Variants in JPH4 observed in about 807,000 individuals in gnomAD.
JPH4 encodes the protein junctophilin 4.
In JPH4, 18 loss-of-function variants were observed where a neutral mutation model predicts 57.6. The ratio of observed to expected loss-of-function variants is 0.31; its 90% CI spans 0.22 to 0.46. JPH4 has a LOEUF of 0.46. Among genes scored for constraint, JPH4 ranks in the 20% least tolerant of loss-of-function variants. JPH4 has a pLI of 1.00. For synonymous variants in JPH4, 425 were observed against 406.6 expected (o/e 1.05, Z -0.54); for missense variants, 727 against 911.1 (o/e 0.80, Z 2.60).
In JPH4 at chr14:23,571,329, G is replaced by A. The variant is rs368220328; in HGVS notation, c.1402C>T (p.Arg468Cys). Reference sequence around the variant, plus strand: ...CAGGCAGGGGGTCGCCAGGGTTGGCGGGAGGAGGCAGGACTGCTGGGCAGT... The same window carrying A: ...CAGGCAGGGGGTCGCCAGGGTTGGCAGGAGGAGGCAGGACTGCTGGGCAGT... ...PELPSSPASSRQPWRPPACRS... is the reference protein window; with the variant it reads ...PELPSSPASSCQPWRPPACRS... The change falls in exon 5 of 6, where the codon CGC becomes TGC. Residue 468 changes from arginine to cysteine, a missense_variant. This residue lies in a region of JPH4 where 293 missense variants were observed against 279.8 expected (regional missense o/e 1.05). Transcript: ENST00000356300. This position sits in a 1 kb window ranked among gnomAD's most constrained non-coding sequence, Gnocchi z 4.6. 2.9e-5 allele frequency: 47 copies of A among 1,596,066 alleles called. No homozygotes were observed. The highest frequency in any genetic ancestry group is 3.4e-5 in the Non-Finnish European group (40 of 1,173,512).
In JPH4 at chr14:23,571,595, A is replaced by AC. The variant is rs908624857; in HGVS notation, c.1271-136dup. 3 of 1,166,686 alleles carry AC rather than the reference A, an allele frequency of 2.6e-6. No homozygotes were observed. The highest frequency in any genetic ancestry group is 3.1e-5 in the African/African-American group (2 of 65,010). The allele number at this position is 1,166,686 out of a possible 1,614,324, so 72.3% of individuals were successfully genotyped here. ...ATAGCCTCTCACCGCCAGACCCCAA[A>AC]CCCCCCATTATCCTACTGCATACAT... On this transcript the variant is annotated intron_variant, in intron 4 of 5. Transcript: ENST00000356300. This position sits in a 1 kb window ranked among gnomAD's most constrained non-coding sequence, Gnocchi z 4.6.
Position 23,569,448 on chromosome 14 carries a change from G to T in JPH4, c.*186C>A. 1 of 609,360 alleles carries T rather than the reference G, an allele frequency of 1.6e-6. No homozygotes were observed. The highest frequency in any genetic ancestry group is 2.0e-5 in the South Asian group (1 of 50,574). 37.7% of individuals were successfully genotyped at this position (609,360 alleles called of 1,614,324 possible). A position where few individuals can be genotyped will look rare whatever the true frequency, so the allele number is the denominator to read the frequency against. ...ATACAGAGACAGATCCAGAAGAAATGAGATAATCTGAAAGAAGACAGGGAA... is the reference window on the plus strand; with the variant it reads ...ATACAGAGACAGATCCAGAAGAAATTAGATAATCTGAAAGAAGACAGGGAA... On this transcript the variant is annotated 3_prime_UTR_variant, in exon 6 of 6. Transcript: ENST00000356300. This position sits in a 1 kb window ranked among gnomAD's most constrained non-coding sequence, Gnocchi z 4.8.
rs1889192273 is a variant in JPH4 at position 23,573,059 on chromosome 14, G to C, written c.1152-1139C>G. The C allele has an allele frequency of 4.5e-5, 30 of 665,406 alleles. No individual in the cohort carries two copies. The South Asian group carries it at 5.1e-4, about 11-fold the overall frequency. 41.2% of individuals were successfully genotyped at this position (665,406 alleles called of 1,614,324 possible). A position where few individuals can be genotyped will look rare whatever the true frequency, so the allele number is the denominator to read the frequency against. On this transcript the variant is annotated intron_variant, in intron 3 of 5. Transcript: ENST00000356300. ...CAGGCCGACGAGCTGCCATGGGCTTGAATTGATCACACCCCATGACTTCCT... is the reference window on the plus strand; with the variant it reads ...CAGGCCGACGAGCTGCCATGGGCTTCAATTGATCACACCCCATGACTTCCT...
In JPH4 at chr14:23,570,367, CTTTT is replaced by C. The variant is rs1173061430; in HGVS notation, c.1803+557_1803+560del. On this transcript the variant is annotated intron_variant, in intron 5 of 5. Transcript: ENST00000356300. ...TTAGTTTACAACCCTGGGCAAGTTACTTTTTTTTTTTTTTTTTTTTTTGAGACAG... is the reference window on the plus strand; with the variant it reads ...TTAGTTTACAACCCTGGGCAAGTTACTTTTTTTTTTTTTTTTTTGAGACAG... Among the ~76,000 whole-genome samples, 121 of 103,328 alleles carry C rather than the reference CTTTT, an allele frequency of 1.2e-3. 1 individual carries two copies. The East Asian group carries it at 0.019, about 16-fold the overall frequency. 67.8% of individuals were successfully genotyped at this position (103,328 alleles called of 152,430 possible).
Position 23,571,368 on chromosome 14 carries a change from C to T in JPH4, c.1363G>A (p.Glu455Lys). Residue 455 changes from glutamate (E) to lysine (K), a missense_variant, in exon 5 of 6, where the codon GAG becomes AAG. By Grantham distance (56) the Glu-to-Lys change is moderately conservative (BLOSUM62 1). Around this residue, in one of 7 missense-constraint regions of JPH4, gnomAD observed 293 missense variants for 279.8 expected, o/e 1.05. Coordinates refer to ENST00000356300, the MANE Select transcript of JPH4 (RefSeq NM_001146028.2). The surrounding 1 kb of genome is among the most constrained non-coding windows in gnomAD (Gnocchi z 4.6). ...CTGCTGGGCAGTTCAGGGGATCCCT[C>T]TGAGGGGGTCAGTCCGTTCTCATAT... ...GVYENGLTPS[E>K]GSPELPSSPA... 7 of 1,600,972 alleles carry T rather than the reference C, an allele frequency of 4.4e-6. No homozygotes were observed. Among genetic ancestry groups the T allele is most frequent in the Non-Finnish European group, 5.9e-6 (7 of 1,178,970 alleles).
Position 23,575,393 on chromosome 14 carries a change from CACA to C in JPH4, c.1151+289_1151+291del, listed in dbSNP as rs1416856550. The stretch of plus-strand genomic sequence containing the variant: ...AAACAGCTTCCTTGCTACTCCCACA[CACA>C]ACAATGGATTCCATAGACATGCATC... On this transcript the variant is annotated intron_variant, in intron 3 of 5. Transcript: ENST00000356300. The surrounding 1 kb of genome is among the most constrained non-coding windows in gnomAD (Gnocchi z 6.9). 4 of 521,426 alleles carry C rather than the reference CACA, an allele frequency of 7.7e-6. No individual in the cohort carries two copies. The highest frequency in any genetic ancestry group is 1.4e-5 in the Non-Finnish European group (4 of 291,430). The allele number at this position is 521,426 out of a possible 1,614,324, so 32.3% of individuals were successfully genotyped here.
chr14:23,578,584 C>T lies in JPH4; in HGVS notation c.-576G>A, dbSNP rs908390134. The T allele has an allele frequency of 1.3e-5, 2 of 151,438 alleles. No individual in the cohort carries two copies. Among genetic ancestry groups the T allele is most frequent in the African/African-American group, 2.4e-5 (1 of 41,100 alleles). The allele number at this position is 151,438 out of a possible 1,614,324, so 9.4% of individuals were successfully genotyped here. Reference sequence around the variant, plus strand: ...CAGCACAAATCAATGTTTGCTCCATCCCAGCATCACGGGGGAGGCTGGGCC... The same window carrying T: ...CAGCACAAATCAATGTTTGCTCCATTCCAGCATCACGGGGGAGGCTGGGCC... On this transcript the variant is annotated 5_prime_UTR_variant, in exon 1 of 6. Coordinates refer to ENST00000356300, the MANE Select transcript of JPH4 (RefSeq NM_001146028.2).
At chr14:23,570,308 C>T (rs1019602793) in intron 5 of JPH4, among the ~76,000 whole-genome samples, 5 of 148,838 alleles carry the variant, frequency 3.4e-5, no homozygotes, top group South Asian at 2.1e-4. Context: ...GGAAGGAGAA[C>T]GGGGGAAAAA....
intron 3 of JPH4, among the ~76,000 whole-genome samples, chr14:23,574,057 T>A (rs1245557446): frequency 6.6e-6 from 1 of 152,092 alleles, no homozygotes; most frequent in Admixed American, 6.5e-5. Flanking sequence ...AGTCTCAAAT[T>A]TAAATGAAAT....
At chr14:23,570,593 C>G (rs1375628503) in intron 5 of JPH4, among the ~76,000 whole-genome samples, 1 of 152,068 alleles carries the variant, frequency 6.6e-6, no homozygotes, top group Non-Finnish European at 1.5e-5. Flanking sequence ...CCAGGATGGT[C>G]TCGATCTCCT....
At position 23,576,902 on chromosome 14, in the gene JPH4, A is replaced by T. The variant is rs1217602695; in HGVS notation, c.379+173T>A. ...GAGCAGGAGACAGACAATTGAGGAA[A>T]GCATAATCATGGTGGGAGAGAGCAG... On this transcript the variant is annotated intron_variant, in intron 2 of 5. Coordinates refer to ENST00000356300, the MANE Select transcript of JPH4 (RefSeq NM_001146028.2). The surrounding 1 kb of genome is among the most constrained non-coding windows in gnomAD (Gnocchi z 8.0). Among the ~76,000 whole-genome samples the T allele has an allele frequency of 6.6e-6, 1 of 151,540 alleles. No individual in the cohort carries two copies. The highest frequency in any genetic ancestry group is 1.5e-5 in the Non-Finnish European group (1 of 67,958).
intron 3 of JPH4, among the ~76,000 whole-genome samples, chr14:23,573,813 C>G (rs543765466): frequency 6.6e-6 from 1 of 152,264 alleles, no homozygotes; most frequent in East Asian, 1.9e-4. Context: ...CTGCCTTCCC[C>G]CTTCCCTGGC....
chr14:23,572,107 G>T (rs1274325879), intron 3 of JPH4, among the ~76,000 whole-genome samples, 187 bp from the exon 4 acceptor site: 1 of 151,960 alleles, frequency 6.6e-6, no homozygotes, highest in Non-Finnish European at 1.5e-5. Context: ...CTCCCGTTTG[G>T]TTTCCTCCCC....
chr14:23,571,890 T>C lies in JPH4; in HGVS notation c.1182A>G (p.Ala394=). The stretch of plus-strand genomic sequence containing the variant: ...CGGCCTTCTCAGCGACACTGCTGGC[T>C]GCCACTGCCTTTAGGAGGGCGTCTG... ...RAADALLKAV[A]ASSVAEKAVE... The change falls in exon 4 of 6, where the codon GCA becomes GCG. Residue 394 remains alanine (A), a synonymous_variant. Coordinates refer to ENST00000356300, the MANE Select transcript of JPH4 (RefSeq NM_001146028.2). This position sits in a 1 kb window ranked among gnomAD's most constrained non-coding sequence, Gnocchi z 4.6. 1 of 1,612,842 alleles carries C rather than the reference T, an allele frequency of 6.2e-7. No homozygotes were observed. Among genetic ancestry groups the C allele is most frequent in the Non-Finnish European group, 8.5e-7 (1 of 1,179,920 alleles).
In JPH4 at chr14:23,568,881, C is replaced by T. The variant is rs375506506; in HGVS notation, c.*753G>A. 1 of 862,302 alleles carries T rather than the reference C, an allele frequency of 1.2e-6. No individual in the cohort carries two copies. The highest frequency in any genetic ancestry group is 1.8e-5 in the African/African-American group (1 of 54,680). The allele number at this position is 862,302 out of a possible 1,614,324, so 53.4% of individuals were successfully genotyped here. A position where few individuals can be genotyped will look rare whatever the true frequency, so the allele number is the denominator to read the frequency against. ...TGGACTTGACTGCATTGGATATTCT[C>T]TGTTCCTTTACACGTTGCTCTTGGC... On this transcript the variant is annotated 3_prime_UTR_variant, in exon 6 of 6. Coordinates refer to ENST00000356300, the MANE Select transcript of JPH4 (RefSeq NM_001146028.2).
Position 23,575,612 on chromosome 14 carries a change from C to A in JPH4, c.1151+73G>T. ...CCTTGGGCCTTGGGCCTCCCTTAGG[C>A]ACACCCGCCTTCCTGGTCCCCAGCG... On this transcript the variant is annotated intron_variant, in intron 3 of 5. Coordinates refer to ENST00000356300, the MANE Select transcript of JPH4 (RefSeq NM_001146028.2). The surrounding 1 kb of genome is among the most constrained non-coding windows in gnomAD (Gnocchi z 6.9). 6.5e-7 allele frequency: 1 copy of A among 1,538,504 alleles called. No homozygotes were observed. The highest frequency in any genetic ancestry group is 8.7e-7 in the Non-Finnish European group (1 of 1,144,808).
chr14:23,576,625 C>T lies in JPH4; in HGVS notation c.380-169G>A, dbSNP rs1326319251. ...GAGCCGGGAACAGGCCAGGCTGGGC[C>T]GGAAAGTGTGGGAGAGCAGAGTGAA... On this transcript the variant is annotated intron_variant, in intron 2 of 5. Coordinates refer to ENST00000356300, the MANE Select transcript of JPH4 (RefSeq NM_001146028.2). This position sits in a 1 kb window ranked among gnomAD's most constrained non-coding sequence, Gnocchi z 8.0. Among the ~76,000 whole-genome samples, 2 of 152,066 alleles carry T rather than the reference C, an allele frequency of 1.3e-5. No individual in the cohort carries two copies. Among genetic ancestry groups the T allele is most frequent in the East Asian group, 3.9e-4 (2 of 5,168 alleles).
chr14:23,576,340 C>G lies in JPH4; in HGVS notation c.496G>C (p.Gly166Arg). The G allele has an allele frequency of 7.7e-7, 1 of 1,304,338 alleles. No individual in the cohort carries two copies. The allele number at this position is 1,304,338 out of a possible 1,614,324, so 80.8% of individuals were successfully genotyped here. A position where few individuals can be genotyped will look rare whatever the true frequency, so the allele number is the denominator to read the frequency against. ...RSPRRTSLDS[G>R]HSDPPTPPPP... is the part of the protein sequence containing the mutation. ...GGTGGCGTCGGGGGGTCGCTGTGGCCGGAATCCAGGGAGGTGCGGCGGGGC... is the reference window on the plus strand; with the variant it reads ...GGTGGCGTCGGGGGGTCGCTGTGGCGGGAATCCAGGGAGGTGCGGCGGGGC... Residue 166 changes from glycine to arginine, a missense_variant, in exon 3 of 6, where the codon GGC becomes CGC. Gly to Arg is a moderately radical substitution (Grantham distance 125). Coordinates refer to ENST00000356300, the MANE Select transcript of JPH4 (RefSeq NM_001146028.2). The surrounding 1 kb of genome is among the most constrained non-coding windows in gnomAD (Gnocchi z 8.0).
At chr14:23,572,212 G>C (rs1169449867) in intron 3 of JPH4, among the ~76,000 whole-genome samples, 1 of 152,084 alleles carries the variant, frequency 6.6e-6, no homozygotes, top group East Asian at 1.9e-4. Context: ...CCAGTTGCAA[G>C]GGCCAGGCCC....
Sources: allele counts gnomAD v4.1 joint callset (sites outside exome capture counted in the v4.1 genomes callset), GRCh38; gene constraint gnomAD v4.1.1; regional missense constraint gnomAD v4.1.1; non-coding constraint Gnocchi (gnomAD v3.1); transcripts MANE v1.5; gene names NCBI Gene and HGNC (gene_info 2026-07-23, HGNC 2026-07-21).